BAIAP3: variants seen among roughly 807,000 people sequenced by gnomAD.
The protein encoded by BAIAP3 is BAI1-associated protein 3.
BAIAP3 carries 180 observed loss-of-function variants against 149.7 expected under a neutral mutation model. The ratio of observed to expected loss-of-function variants is 1.20; its 90% confidence interval spans 1.07 to 1.36. The LOEUF is 1.36. BAIAP3 is among the 40% of genes most tolerant of loss of function. The pLI is 0.00. For missense variants in BAIAP3, 1,767 were observed against 1,563.4 expected, an observed-to-expected ratio of 1.13 and a Z score of -2.20; for synonymous variants, 845 against 670.7, an observed-to-expected ratio of 1.26 and a Z score of -4.02.
rs747563172 is a variant in BAIAP3, at chr16:1,342,228, G to A, written c.902G>A (p.Gly301Glu). Residue 301 changes from glycine (G) to glutamate (E), a missense_variant, in exon 11 of 34, where the codon GGA becomes GAA. By Grantham distance (98) the Gly-to-Glu change is moderately conservative (BLOSUM62 -2). Transcript: ENST00000426824. ...VKSARANGTA[G>E]PTEDHTDDFL... ...TCAGCCCGCGCAAACGGGACAGCAG[G>A]ACCCACCGAGGACCACACCGATGAC... 3.1e-6 allele frequency: 5 copies of A among 1,609,780 alleles called. No individual in the cohort carries two copies. The highest frequency in any genetic ancestry group is 4.5e-5 in the East Asian group (2 of 44,678).
In BAIAP3 at chr16:1,343,437, A is replaced by T. The variant is rs2034077027; in HGVS notation, c.1310A>T (p.Asp437Val). Residue 437 changes from aspartate (D) to valine (V), a missense_variant, in exon 15 of 34, where the codon GAC becomes GTC. Asp to Val is a radical substitution (Grantham distance 152). Coordinates refer to ENST00000426824, the MANE Select transcript of BAIAP3 (RefSeq NM_001199097.2). Reference protein sequence around the residue: ...SSRHHQTCTLDYSYLLGLLED... With the variant: ...SSRHHQTCTLVYSYLLGLLED... ...CGCCACCATCAAACCTGCACGCTGG[A>T]CTACAGCTACCTGCTGGGGCTGCTG... 6.3e-7 allele frequency: 1 copy of T among 1,584,004 alleles called. No individual in the cohort carries two copies. The highest frequency in any genetic ancestry group is 8.6e-7 in the Non-Finnish European group (1 of 1,167,006).
chr16:1,341,881 G>T lies in BAIAP3; in HGVS notation c.776+15G>T, dbSNP rs749271020. ...CTGGACATCTGGTACAGGCCCCTGCGCCATGCAGGGCGGCGGGGATGCACA... is the reference window on the plus strand; with the variant it reads ...CTGGACATCTGGTACAGGCCCCTGCTCCATGCAGGGCGGCGGGGATGCACA... On this transcript the variant is annotated intron_variant, in intron 9 of 33. Coordinates refer to ENST00000426824, the MANE Select transcript of BAIAP3 (RefSeq NM_001199097.2). 1.9e-6 allele frequency: 3 copies of T among 1,609,000 alleles called. No individual in the cohort carries two copies. Among genetic ancestry groups the T allele is most frequent in the Non-Finnish European group, 2.5e-6 (3 of 1,178,604 alleles).
chr16:1,334,970 C>T (rs748397264), intron 1 of BAIAP3, among the ~76,000 whole-genome samples: 2 of 152,162 alleles, frequency 1.3e-5, no homozygotes, highest in East Asian at 1.9e-4. Flanking sequence ...GTAAGAAGGG[C>T]GCCCCCAACA....
rs2033921121 is a variant in BAIAP3 at position 1,341,453 on chromosome 16, G to C, written c.695G>C (p.Ser232Thr). The change falls in exon 8 of 34, where the codon AGC becomes ACC. Residue 232 changes from serine (S) to threonine (T), a missense_variant. Ser to Thr is a moderately conservative substitution (Grantham distance 58, BLOSUM62 1). Transcript: ENST00000426824. ...ATCCAGGTCACCGAGGTGAAGAGCA[G>C]CACCCTGAACCCCGTCTGGAAGGAG... is the stretch of plus-strand genomic sequence containing the variant. ...KCIQVTEVKSSTLNPVWKEHF... is the reference protein window; with the variant it reads ...KCIQVTEVKSTTLNPVWKEHF... 6.2e-7 allele frequency: 1 copy of C among 1,612,440 alleles called. No homozygotes were observed. The highest frequency in any genetic ancestry group is 1.1e-5 in the South Asian group (1 of 91,064).
At chr16:1,335,859 G>A (rs758473575) in intron 1 of BAIAP3, among the ~76,000 whole-genome samples, 12 of 152,258 alleles carry the variant, frequency 7.9e-5, no homozygotes, top group African/African-American at 2.2e-4. Flanking sequence ...CTTGACTGCC[G>A]TCCCCAGCCC....
At chr16:1,340,030 A>ATG (rs1491355868) in intron 5 of BAIAP3, among the ~76,000 whole-genome samples, 1 of 142,040 alleles carries the variant, frequency 7.0e-6, no homozygotes. Flanking sequence ...GTGCACACAG[A>ATG]CACACGCACA....
chr16:1,334,845 G>C, intron 1 of BAIAP3: 8 of 1,297,762 alleles, frequency 6.2e-6, no homozygotes, highest in South Asian at 1.3e-5. Flanking sequence ...AGGGAAGCTG[G>C]AGAGAAGACC....
At position 1,348,441 on chromosome 16, in the gene BAIAP3, A is replaced by AAACTC. The variant is rs2034543353; in HGVS notation, c.3421_3425dup (p.Lys1142AsnfsTer30). On this transcript the variant is annotated frameshift_variant, in exon 34 of 34. Coordinates refer to ENST00000426824, the MANE Select transcript of BAIAP3 (RefSeq NM_001199097.2). LOFTEE classifies it high-confidence loss of function. ...CAAGGAGGCGCAGGAGTTCGTGAAG[A>AAACTC]AACTCAAGGAGCTGGAGAAGTGCAT... 6.2e-7 allele frequency: 1 copy of AAACTC among 1,612,456 alleles called. No individual in the cohort carries two copies. Among genetic ancestry groups the AAACTC allele is most frequent in the African/African-American group, 1.3e-5 (1 of 74,908 alleles).
intron 5 of BAIAP3, 38 bp from the exon 6 acceptor site, chr16:1,340,884 G>C: frequency 6.4e-7 from 1 of 1,551,136 alleles, no homozygotes; most frequent in Admixed American, 2.0e-5. Context: ...TCGCTTCAGG[G>C]GTTGCCTAGG....
intron 8 of BAIAP3, 47 bp downstream of exon 8, chr16:1,341,536 G>A (rs1463060237): frequency 1.9e-6 from 3 of 1,573,506 alleles, no homozygotes; most frequent in South Asian, 1.2e-5. Context: ...TCTGCCTGGG[G>A]TCCAGAGCTG....
chr16:1,339,556 C>G lies in BAIAP3; in HGVS notation c.361C>G (p.Pro121Ala), dbSNP rs200855970. 8.2e-5 allele frequency: 132 copies of G among 1,612,562 alleles called. No homozygotes were observed. The Middle Eastern group carries it at 8.2e-4, about 10-fold the overall frequency. Residue 121 changes from proline to alanine, a missense_variant, in exon 5 of 34, where the codon CCT (proline) becomes GCT (alanine). Transcript: ENST00000426824. ...TVLYRAGTMG[P>A]DQVDDEEALL... Reference sequence around the variant, plus strand: ...GCTTTACCGCGCGGGTACCATGGGCCCTGACCAGGTGGACGACGAGGAGGC... The same window carrying G: ...GCTTTACCGCGCGGGTACCATGGGCGCTGACCAGGTGGACGACGAGGAGGC...
intron 11 of BAIAP3, 25 bp downstream of exon 11, chr16:1,342,308 G>C (rs1026005434): frequency 1.2e-6 from 2 of 1,605,106 alleles, no homozygotes; most frequent in South Asian, 2.2e-5. Flanking sequence ...GGTGGGGCTG[G>C]TGACACTTAG....
At chr16:1,334,941 A>AC (rs1277215779) in intron 1 of BAIAP3, among the ~76,000 whole-genome samples, 3 of 151,922 alleles carry the variant, frequency 2.0e-5, no homozygotes, top group African/African-American at 7.3e-5. Flanking sequence ...CCATCAGCTA[A>AC]CCCCCTGCCC....
chr16:1,342,490 A>G, intron 11 of BAIAP3, 37 bp from the exon 12 acceptor site: 1 of 1,515,040 alleles, frequency 6.6e-7, no homozygotes. Context: ...GGGGAGGGGG[A>G]GGAGTCTGGT....
Position 1,348,625 on chromosome 16 carries a change from G to C in BAIAP3, c.*143G>C. 1 of 794,230 alleles carries C rather than the reference G, an allele frequency of 1.3e-6. No homozygotes were observed. Among genetic ancestry groups the C allele is most frequent in the Non-Finnish European group, 2.0e-6 (1 of 490,846 alleles). 49.2% of individuals were successfully genotyped at this position (794,230 alleles called of 1,614,324 possible). A position where few individuals can be genotyped will look rare whatever the true frequency, so the allele number is the denominator to read the frequency against. On this transcript the variant is annotated 3_prime_UTR_variant, in exon 34 of 34. Coordinates refer to ENST00000426824, the MANE Select transcript of BAIAP3 (RefSeq NM_001199097.2). ...CGTGTGTGTCGTGGCTGGCCCCGCG[G>C]CGCCTACCGCCCTGGCCGTGTCTGT...
Position 1,345,252 on chromosome 16 carries a change from C to T in BAIAP3, c.1944C>T (p.Asp648=), listed in dbSNP as rs781155970. The part of the protein sequence containing the change: ...QRFWDSIPGR[D]SRSLALAGIH... ...CCTCACAACCCTCCCACCACAGGGA[C>T]AGCCGCTCTCTGGCCCTGGCTGGCA... The change falls in exon 22 of 34, where the codon GAC becomes GAT. Residue 648 remains aspartate, a synonymous_variant. Transcript: ENST00000426824. 1 of 1,612,896 alleles carries T rather than the reference C, an allele frequency of 6.2e-7. No individual in the cohort carries two copies. Among genetic ancestry groups the T allele is most frequent in the South Asian group, 1.1e-5 (1 of 91,082 alleles).
intron 5 of BAIAP3, among the ~76,000 whole-genome samples, 185 bp downstream of exon 5, chr16:1,339,788 GCACACAGGCTGCAGGTGCACACAGACACA>G (rs1567160430): frequency 4.2e-4 from 49 of 117,762 alleles, no homozygotes; most frequent in Admixed American, 9.1e-4. Context: ...ACAGACACAC[GCACACAGGCTGCAGGTGCACACAGACACA>G]CACACAGGCT....
intron 20 of BAIAP3, 25 bp from the exon 21 acceptor site, chr16:1,344,944 G>C (rs376211678): frequency 4.0e-5 from 65 of 1,613,414 alleles, no homozygotes; most frequent in Non-Finnish European, 5.3e-5. Context: ...TGCTGCTGGA[G>C]GCCTGATCCT....
intron 15 of BAIAP3, 21 bp downstream of exon 15, chr16:1,343,534 C>G: frequency 1.2e-6 from 2 of 1,604,202 alleles, no homozygotes; most frequent in Non-Finnish European, 1.7e-6. Flanking sequence ...CCGGGACCTT[C>G]TTGCCAGCCA....
Sources: gnomAD v4.1 joint callset for allele counts (sites outside exome capture counted in the v4.1 genomes callset) on GRCh38, gnomAD v4.1.1 for gene constraint, MANE v1.5 for transcripts, NCBI Gene and HGNC (gene_info 2026-07-23, HGNC 2026-07-21) for gene names.